The following SORCS2 variants were observed in gnomAD, a reference collection of about 807,000 sequenced individuals.
The protein encoded by SORCS2 is sortilin related VPS10 domain containing receptor 2.
SORCS2 carries 100 observed loss-of-function variants against 141.6 expected under a neutral mutation model. That is an observed-to-expected ratio of 0.71 (90% CI 0.60 to 0.83). The LOEUF is 0.83. Among genes scored for constraint, SORCS2 ranks in the 40% least tolerant of loss-of-function variants. The pLI is 0.00. For missense variants in SORCS2, 1,646 were observed against 1,560.2 expected (o/e 1.05, Z -0.93); for synonymous variants, 789 against 676.9 (o/e 1.17, Z -2.57).
chr4:7,609,778 A>G (rs1334018302), intron 3 of SORCS2, among the ~76,000 whole-genome samples: 2 of 152,232 alleles, frequency 1.3e-5, no homozygotes, highest in Admixed American at 6.5e-5. Flanking sequence ...CCTTGGGATG[A>G]CAAGGGTCTC....
At chr4:7,267,487 G>A (rs912555004) in intron 1 of SORCS2, among the ~76,000 whole-genome samples, 5 of 152,222 alleles carry the variant, frequency 3.3e-5, no homozygotes, top group East Asian at 1.9e-4. Context: ...GCCCTGGCCC[G>A]TAAGCAGAAC....
chr4:7,672,608 C>A (rs953917900), intron 8 of SORCS2, among the ~76,000 whole-genome samples: 5 of 152,120 alleles, frequency 3.3e-5, no homozygotes, highest in African/African-American at 1.2e-4. Context: ...GTGTAGATAC[C>A]CTTTCTACCT....
At chr4:7,571,895 G>C (rs746722820) in intron 3 of SORCS2, among the ~76,000 whole-genome samples, 2 of 152,192 alleles carry the variant, frequency 1.3e-5, no homozygotes, top group Non-Finnish European at 2.9e-5. Context: ...CGCGGTGCCA[G>C]AGCTGACACT....
At chr4:7,462,971 T>A (rs1472291859) in intron 2 of SORCS2, among the ~76,000 whole-genome samples, 4 of 151,764 alleles carry the variant, frequency 2.6e-5, no homozygotes, top group Non-Finnish European at 4.4e-5. Context: ...GAGGAGTGCC[T>A]GTTTGAGATC....
intron 8 of SORCS2, 68 bp downstream of exon 8, chr4:7,667,281 C>G (rs1392680932): frequency 7.0e-7 from 1 of 1,426,862 alleles, no homozygotes; most frequent in Non-Finnish European, 9.9e-7. Flanking sequence ...CATGGGGCAA[C>G]AGGACTCACA....
chr4:7,715,538 A>C (rs1483489423), intron 17 of SORCS2, among the ~76,000 whole-genome samples: 1 of 152,258 alleles, frequency 6.6e-6, no homozygotes, highest in East Asian at 1.9e-4. Context: ...CTCCCAGGCC[A>C]AAGGAACCCA....
chr4:7,328,137 CACCTCAGCCTCCGG>C (rs1560195808), intron 1 of SORCS2, among the ~76,000 whole-genome samples: 1 of 151,020 alleles, frequency 6.6e-6, no homozygotes, highest in African/African-American at 2.4e-5. Flanking sequence ...GTTATTCTCC[CACCTCAGCCTCCGG>C]AGTAGCTGGG....
At chr4:7,358,254 G>A (rs754250930) in intron 1 of SORCS2, among the ~76,000 whole-genome samples, 4 of 152,280 alleles carry the variant, frequency 2.6e-5, no homozygotes, top group South Asian at 2.1e-4. Context: ...GGCCATTTGC[G>A]GGGCACCTGC....
At chr4:7,612,137 G>A (rs557837427) in intron 3 of SORCS2, among the ~76,000 whole-genome samples, 8 of 152,212 alleles carry the variant, frequency 5.3e-5, no homozygotes, top group Non-Finnish European at 7.3e-5. Flanking sequence ...CCGAGTTTCC[G>A]GAGCTCAGAA....
chr4:7,369,638 CG>C (rs1023478737), intron 1 of SORCS2, among the ~76,000 whole-genome samples: 7 of 152,288 alleles, frequency 4.6e-5, no homozygotes, highest in African/African-American at 1.7e-4. Context: ...CAGCAGGACT[CG>C]GGGAGTGGCC....
At chr4:7,370,646 C>T (rs1395010181) in intron 1 of SORCS2, among the ~76,000 whole-genome samples, 1 of 152,238 alleles carries the variant, frequency 6.6e-6, no homozygotes, top group Non-Finnish European at 1.5e-5. Context: ...TCCCCTGGCG[C>T]GGCCCCTGCC....
intron 1 of SORCS2, among the ~76,000 whole-genome samples, chr4:7,389,405 C>T (rs900388797): frequency 6.6e-6 from 1 of 152,272 alleles, no homozygotes; most frequent in African/African-American, 2.4e-5. Context: ...CGGCCACTGC[C>T]CGTGGGCCCC....
At position 7,392,713 on chromosome 4, in the gene SORCS2, C is replaced by T. The variant is rs188571066; in HGVS notation, c.481-3575C>T. On this transcript the variant is annotated intron_variant, in intron 1 of 26. Coordinates refer to ENST00000507866, the MANE Select transcript of SORCS2 (RefSeq NM_020777.3). Reference sequence around the variant, plus strand: ...AGGAGCCCTGGGCATCTGCTTGTCCCGTGCTTAGGAGGCAGGCATCACAGA... The same window carrying T: ...AGGAGCCCTGGGCATCTGCTTGTCCTGTGCTTAGGAGGCAGGCATCACAGA... 1.4e-4 allele frequency among the ~76,000 whole-genome samples: 22 copies of T among 152,082 alleles called. No homozygotes were observed. In the East Asian group the frequency reaches 3.3e-3, roughly 23 times the overall value.
chr4:7,217,096 C>T (rs1045860441), intron 1 of SORCS2, among the ~76,000 whole-genome samples: 2 of 152,166 alleles, frequency 1.3e-5, no homozygotes, highest in African/African-American at 4.8e-5. Context: ...AGAGCAAGTC[C>T]GGCCCTGCTC....
chr4:7,639,271 C>G (rs1330000626), intron 4 of SORCS2, among the ~76,000 whole-genome samples: 1 of 152,224 alleles, frequency 6.6e-6, no homozygotes, highest in African/African-American at 2.4e-5. Context: ...TGGAGCTGCA[C>G]TTCCCCCTGG....
chr4:7,559,442 T>C (rs1006175304), intron 3 of SORCS2, among the ~76,000 whole-genome samples: 2 of 152,136 alleles, frequency 1.3e-5, no homozygotes, highest in African/African-American at 4.8e-5. Flanking sequence ...TGAGAAATTA[T>C]GCAGGATGTC....
chr4:7,507,862 T>C (rs1297465500), intron 2 of SORCS2, among the ~76,000 whole-genome samples: 1 of 152,100 alleles, frequency 6.6e-6, no homozygotes, highest in Non-Finnish European at 1.5e-5. Flanking sequence ...ATCCAAGACA[T>C]AAAAATTTTA....
intron 2 of SORCS2, among the ~76,000 whole-genome samples, chr4:7,483,546 T>C (rs1440477460): frequency 6.6e-6 from 1 of 152,058 alleles, no homozygotes; most frequent in East Asian, 1.9e-4. Context: ...AGAGAATAAA[T>C]GCCTACTGTT....
intron 3 of SORCS2, among the ~76,000 whole-genome samples, chr4:7,571,797 T>C (rs1439575146): frequency 6.6e-6 from 1 of 152,178 alleles, no homozygotes. Context: ...GTGTTAATCA[T>C]GGTGATTATC....
Sources: gnomAD v4.1 joint callset for allele counts (sites outside exome capture counted in the v4.1 genomes callset) on GRCh38, gnomAD v4.1.1 for gene constraint, MANE v1.5 for transcripts, NCBI Gene and HGNC (gene_info 2026-07-23, HGNC 2026-07-21) for gene names.